Variants in LAMC1 observed in about 807,000 individuals in gnomAD.
The protein encoded by LAMC1 is laminin subunit gamma-1.
LAMC1 carries 38 observed loss-of-function variants against 173.6 expected under a neutral mutation model. That is an observed-to-expected ratio of 0.22 (90% CI 0.17 to 0.29). LAMC1 has a LOEUF of 0.29. Among genes scored for constraint, LAMC1 ranks in the 10% least tolerant of loss-of-function variants. The pLI is 1.00. For missense variants in LAMC1, 1,824 were observed against 2,051.8 expected (o/e 0.89, Z 2.14); for synonymous variants, 746 against 749.1 (o/e 1.00, Z 0.07).
chr1:183,106,307 A>G (rs1192755919), intron 2 of LAMC1, among the ~76,000 whole-genome samples: 1 of 152,246 alleles, frequency 6.6e-6, no homozygotes, highest in Non-Finnish European at 1.5e-5. Flanking sequence ...ATGTTTAGCT[A>G]TTTACATTAC....
At chr1:183,033,031 A>C (rs1653884818) in intron 1 of LAMC1, among the ~76,000 whole-genome samples, 1 of 152,230 alleles carries the variant, frequency 6.6e-6, no homozygotes, top group African/African-American at 2.4e-5. Flanking sequence ...GAATAAAAAA[A>C]TGAATTAAGA....
chr1:183,029,600 C>T (rs918489731), intron 1 of LAMC1, among the ~76,000 whole-genome samples: 1 of 152,056 alleles, frequency 6.6e-6, no homozygotes, highest in African/African-American at 2.4e-5. Flanking sequence ...AACACTTCTC[C>T]CAGGTGTTAG....
intron 1 of LAMC1, among the ~76,000 whole-genome samples, chr1:183,085,426 G>A (rs796868754): frequency 4.6e-5 from 7 of 152,112 alleles, no homozygotes; most frequent in African/African-American, 1.7e-4. Context: ...GCAGTAGTGT[G>A]AATATGACTC....
intron 18 of LAMC1, among the ~76,000 whole-genome samples, chr1:183,129,795 A>G (rs1267406262): frequency 6.6e-6 from 1 of 150,540 alleles, no homozygotes; most frequent in African/African-American, 2.4e-5. Flanking sequence ...GAACTATTCA[A>G]AAACAGAGAT....
At chr1:183,052,291 T>C (rs1224056030) in intron 1 of LAMC1, among the ~76,000 whole-genome samples, 2 of 152,164 alleles carry the variant, frequency 1.3e-5, no homozygotes, top group African/African-American at 2.4e-5. Context: ...CTAATTGATA[T>C]TCTGGTCATA....
chr1:183,142,458 C>A, intron 27 of LAMC1, 76 bp from the exon 28 acceptor site: 1 of 1,448,470 alleles, frequency 6.9e-7, no homozygotes, highest in Non-Finnish European at 9.3e-7. Context: ...GGCCTAGAGT[C>A]TAGTGCAGGT....
At chr1:183,109,014 G>A (rs1656067563) in intron 3 of LAMC1, among the ~76,000 whole-genome samples, 1 of 152,158 alleles carries the variant, frequency 6.6e-6, no homozygotes, top group South Asian at 2.1e-4. Context: ...TTAGAGACGG[G>A]AGAGTATAAA....
At chr1:183,136,789 G>T (rs552361595) in intron 25 of LAMC1, among the ~76,000 whole-genome samples, 1 of 151,540 alleles carries the variant, frequency 6.6e-6, no homozygotes, top group Non-Finnish European at 1.5e-5. Context: ...CAGTAAAAGG[G>T]TGCTTTACTC....
At position 183,053,667 on chromosome 1, in the gene LAMC1, C is replaced by T. The variant is rs528437361; in HGVS notation, c.418+29533C>T. 3.3e-5 allele frequency among the ~76,000 whole-genome samples: 5 copies of T among 152,094 alleles called. No homozygotes were observed. In the South Asian group the frequency reaches 1.0e-3, roughly 32 times the overall value. On this transcript the variant is annotated intron_variant, in intron 1 of 27. Coordinates refer to ENST00000258341, the MANE Select transcript of LAMC1 (RefSeq NM_002293.4). Reference sequence around the variant, plus strand: ...TTTTGACAGAGTCTTGCTCTGTTGCCCAGGCTGGAGTGCAGTGGCACGAAC... The same window carrying T: ...TTTTGACAGAGTCTTGCTCTGTTGCTCAGGCTGGAGTGCAGTGGCACGAAC...
chr1:183,024,809 G>A (rs553355218), intron 1 of LAMC1, among the ~76,000 whole-genome samples: 26 of 152,310 alleles, frequency 1.7e-4, no homozygotes, highest in African/African-American at 6.3e-4. Flanking sequence ...TTGTCCCTGG[G>A]TAAAAAGGCT....
In LAMC1 at chr1:183,057,649, T is replaced by C. The variant is rs543985795; in HGVS notation, c.418+33515T>C. On this transcript the variant is annotated intron_variant, in intron 1 of 27. Coordinates refer to ENST00000258341, the MANE Select transcript of LAMC1 (RefSeq NM_002293.4). ...GATGGTGGGCGCCTGTAATCCCAGC[T>C]ACTCAGGAGGCTGAGGCAGGAGAAT... Among the ~76,000 whole-genome samples the C allele has an allele frequency of 1.6e-4, 25 of 152,112 alleles. No individual in the cohort carries two copies. In the East Asian group the frequency reaches 4.5e-3, roughly 27 times the overall value.
In LAMC1 at chr1:183,143,021, C is replaced by A; in HGVS notation, c.*231C>A. 1 of 472,308 alleles carries A rather than the reference C, an allele frequency of 2.1e-6. No homozygotes were observed. The highest frequency in any genetic ancestry group is 3.8e-6 in the Non-Finnish European group (1 of 264,158). The allele number at this position is 472,308 out of a possible 1,614,324, so 29.3% of individuals were successfully genotyped here. A position where few individuals can be genotyped will look rare whatever the true frequency, so the allele number is the denominator to read the frequency against. On this transcript the variant is annotated 3_prime_UTR_variant, in exon 28 of 28. Coordinates refer to ENST00000258341, the MANE Select transcript of LAMC1 (RefSeq NM_002293.4). ...AGTGTCTCTTCCATTCACGTTGCTA[C>A]CTTACCCACACTTTCCCTTCTGATT...
chr1:183,091,677 C>G (rs973376991), intron 1 of LAMC1, among the ~76,000 whole-genome samples: 1 of 152,106 alleles, frequency 6.6e-6, no homozygotes, highest in African/African-American at 2.4e-5. Flanking sequence ...CAACATTACC[C>G]GACACAGACT....
intron 21 of LAMC1, 91 bp from the exon 22 acceptor site, chr1:183,133,315 G>C (rs943245255): frequency 1.8e-6 from 2 of 1,085,330 alleles, no homozygotes; most frequent in East Asian, 5.1e-5. Context: ...GAGGTTTTGG[G>C]CGTATTATCA....
chr1:183,057,625 A>T (rs1465040183), intron 1 of LAMC1, among the ~76,000 whole-genome samples: 2 of 151,990 alleles, frequency 1.3e-5, no homozygotes, highest in African/African-American at 4.8e-5. Flanking sequence ...GCCGGGCATG[A>T]TGGTGGGCGC....
chr1:183,134,033 GTT>G (rs1338632946), intron 22 of LAMC1, among the ~76,000 whole-genome samples: 1 of 152,174 alleles, frequency 6.6e-6, no homozygotes, highest in Non-Finnish European at 1.5e-5. Flanking sequence ...AGAGAGAATG[GTT>G]TAATTAAAAG....
Position 183,116,789 on chromosome 1 carries a change from C to A in LAMC1, c.1450C>A (p.Leu484Met), listed in dbSNP as rs1558053280. Residue 484 changes from leucine (L) to methionine (M), a missense_variant, in exon 8 of 28, where the codon CTG (leucine) becomes ATG (methionine). Transcript: ENST00000258341. ...CERCKPGFFN[L>M]ESSNPRGCTP... ...CAGATGCAAACCTGGATTTTTTAAT[C>A]TGGAATCATCTAATCCTCGGGGTTG... 1 of 1,613,856 alleles carries A rather than the reference C, an allele frequency of 6.2e-7. No homozygotes were observed. The highest frequency in any genetic ancestry group is 1.3e-5 in the African/African-American group (1 of 74,902).
intron 17 of LAMC1, 94 bp downstream of exon 17, chr1:183,127,498 G>T: frequency 1.8e-6 from 2 of 1,126,812 alleles, no homozygotes; most frequent in South Asian, 2.9e-5. Context: ...TGGTGAACAA[G>T]GTAGATGTGG....
At chr1:183,063,924 C>T (rs1396454208) in intron 1 of LAMC1, among the ~76,000 whole-genome samples, 15 of 152,144 alleles carry the variant, frequency 9.9e-5, no homozygotes, top group Admixed American at 9.8e-4. Context: ...ATGTTTACCT[C>T]GCACGTAGTT....
Sources: gnomAD v4.1 joint callset for allele counts (sites outside exome capture counted in the v4.1 genomes callset) on GRCh38, gnomAD v4.1.1 for gene constraint, MANE v1.5 for transcripts, NCBI Gene and HGNC (gene_info 2026-07-23, HGNC 2026-07-21) for gene names.